Variants in PPP6R3 observed in about 807,000 individuals in gnomAD.
The protein encoded by PPP6R3 is protein phosphatase 6 regulatory subunit 3.
A neutral mutation model predicts 110.7 loss-of-function variants in PPP6R3; 38 were observed. The ratio of observed to expected loss-of-function variants is 0.34; its 90% CI spans 0.26 to 0.45. PPP6R3 has a LOEUF of 0.45. PPP6R3 is among the 20% of genes least tolerant of loss of function. The probability of loss-of-function intolerance (pLI) is 1.00; values close to 1 mark genes in which losing one functional copy is unlikely to be tolerated. For synonymous variants in PPP6R3, 369 were observed against 373.5 expected, an observed-to-expected ratio of 0.99 and a Z score of 0.14; for missense variants, 870 against 1,062.4, an observed-to-expected ratio of 0.82 and a Z score of 2.52.
At chr11:68,611,691 C>T (rs1248338111) in intron 23 of PPP6R3, among the ~76,000 whole-genome samples, 2 of 152,070 alleles carry the variant, frequency 1.3e-5, no homozygotes, top group African/African-American at 4.8e-5. Flanking sequence ...CAAGAAGCCA[C>T]GAAGAAGGGA....
rs1565483175 is a variant in PPP6R3, at chr11:68,506,801, A to G, written c.-157-12700A>G. Among the ~76,000 whole-genome samples the G allele has an allele frequency of 2.0e-5, 3 of 152,192 alleles. No individual in the cohort carries two copies. In the South Asian group the frequency reaches 6.2e-4, roughly 32 times the overall value. ...AACCATTTGATTGCCAAGATTCCAT[A>G]TAAGAAGTTTTGGTCTTTTTTACCT... is the stretch of plus-strand genomic sequence containing the variant. On this transcript the variant is annotated intron_variant, in intron 1 of 23. Transcript: ENST00000393800.
Position 68,571,023 on chromosome 11 carries a change from C to CTT in PPP6R3, c.1279-5_1279-4dup, listed in dbSNP as rs377099693. 500 of 1,229,814 alleles carry CTT rather than the reference C, an allele frequency of 4.1e-4. No individual in the cohort carries two copies. The highest frequency in any genetic ancestry group is 4.0e-3 in the African/African-American group (255 of 63,204). 76.2% of individuals were successfully genotyped at this position (1,229,814 alleles called of 1,614,324 possible). A position where few individuals can be genotyped will look rare whatever the true frequency, so the allele number is the denominator to read the frequency against. ...GCTTTGAAGTATTAACTGGAATATT[C>CTT]TTTTTTTTTTTTTCAGCTTTTCCAA... is the stretch of plus-strand genomic sequence containing the variant. On this transcript the variant is annotated splice_polypyrimidine_tract_variant and intron_variant, in intron 11 of 23. Transcript: ENST00000393800.
At chr11:68,603,588 G>A (rs1038786156) in intron 22 of PPP6R3, 96 bp downstream of exon 22, 9 of 1,416,896 alleles carry the variant, frequency 6.4e-6, no homozygotes, top group Non-Finnish European at 8.8e-6. Context: ...TGATTCAAAT[G>A]AATGTTCAGA....
chr11:68,511,780 CGTGTGT>C (rs143019841), intron 1 of PPP6R3, among the ~76,000 whole-genome samples: 3 of 126,506 alleles, frequency 2.4e-5, no homozygotes, highest in Non-Finnish European at 3.5e-5. Context: ...TGCGCCCAGC[CGTGTGT>C]GTGTGTGTGT....
At chr11:68,585,168 G>A (rs1385328958) in intron 15 of PPP6R3, among the ~76,000 whole-genome samples, 3 of 152,146 alleles carry the variant, frequency 2.0e-5, no homozygotes, top group African/African-American at 7.2e-5. Flanking sequence ...TCTCCCTTTA[G>A]CCTTGTCTGG....
At chr11:68,601,309 C>T (rs146415351) in intron 20 of PPP6R3, among the ~76,000 whole-genome samples, 545 of 152,248 alleles carry the variant, frequency 3.6e-3, no homozygotes, top group Non-Finnish European at 6.3e-3. Context: ...GTGTGCACGT[C>T]TCTGAGTTTG....
At chr11:68,540,948 A>G (rs553839887) in intron 3 of PPP6R3, among the ~76,000 whole-genome samples, 1 of 152,286 alleles carries the variant, frequency 6.6e-6, no homozygotes, top group South Asian at 2.1e-4. Context: ...CAATTTGTGC[A>G]GTTAAGGCAA....
chr11:68,478,929 T>C (rs2098870875), intron 1 of PPP6R3, among the ~76,000 whole-genome samples: 1 of 152,150 alleles, frequency 6.6e-6, no homozygotes, highest in African/African-American at 2.4e-5. Flanking sequence ...GTGCTGGGAT[T>C]ACAGGCATGA....
At chr11:68,521,824 C>A (rs1191500590) in intron 2 of PPP6R3, among the ~76,000 whole-genome samples, 1 of 152,170 alleles carries the variant, frequency 6.6e-6, no homozygotes, top group East Asian at 1.9e-4. Flanking sequence ...TAATACAGCT[C>A]TCTCTTACTA....
At chr11:68,578,432 C>T (rs969731722) in intron 14 of PPP6R3, among the ~76,000 whole-genome samples, 2 of 152,122 alleles carry the variant, frequency 1.3e-5, no homozygotes, top group Non-Finnish European at 2.9e-5. Flanking sequence ...TGCCCTGTTC[C>T]CTTTCCCAAA....
chr11:68,601,124 A>G (rs1250874968), intron 20 of PPP6R3, among the ~76,000 whole-genome samples: 1 of 152,226 alleles, frequency 6.6e-6, no homozygotes, highest in African/African-American at 2.4e-5. Context: ...TCAGAGGTAC[A>G]AGTGAGATTT....
At chr11:68,540,797 GAA>G (rs1312237321) in intron 3 of PPP6R3, among the ~76,000 whole-genome samples, 1 of 152,226 alleles carries the variant, frequency 6.6e-6, no homozygotes, top group East Asian at 1.9e-4. Context: ...GCTTTTGAAA[GAA>G]GAGAAATATG....
chr11:68,504,985 T>C (rs1592178263), intron 1 of PPP6R3, among the ~76,000 whole-genome samples: 1 of 152,230 alleles, frequency 6.6e-6, no homozygotes, highest in Non-Finnish European at 1.5e-5. Context: ...CTTCATTTCT[T>C]AAGAGTTTAA....
chr11:68,502,316 A>G (rs923395218), intron 1 of PPP6R3, among the ~76,000 whole-genome samples: 3 of 152,204 alleles, frequency 2.0e-5, no homozygotes, highest in Admixed American at 6.5e-5. Context: ...TTTGAAATCC[A>G]TTGCATATTT....
intron 21 of PPP6R3, 142 bp downstream of exon 21, chr11:68,602,111 T>C (rs2099633741): frequency 3.3e-6 from 2 of 607,878 alleles, no homozygotes; most frequent in Non-Finnish European, 5.6e-6. Context: ...ATGAAAGAAA[T>C]TGTGCCTGTC....
At chr11:68,557,680 G>A (rs931436311) in intron 7 of PPP6R3, among the ~76,000 whole-genome samples, 14 of 152,152 alleles carry the variant, frequency 9.2e-5, no homozygotes, top group Admixed American at 3.3e-4. Flanking sequence ...CACGAGGCCC[G>A]GCTAATTTTT....
At chr11:68,594,388 G>T (rs2099606904) in intron 18 of PPP6R3, among the ~76,000 whole-genome samples, 1 of 151,760 alleles carries the variant, frequency 6.6e-6, no homozygotes, top group Non-Finnish European at 1.5e-5. Flanking sequence ...TGGGCATGGT[G>T]GCTCATGCCT....
intron 1 of PPP6R3, among the ~76,000 whole-genome samples, chr11:68,474,848 G>C (rs1266507124): frequency 6.6e-6 from 1 of 152,000 alleles, no homozygotes; most frequent in African/African-American, 2.4e-5. Flanking sequence ...ATAAAATTCT[G>C]ACTTACTATC....
chr11:68,468,782 C>T (rs1247089008), intron 1 of PPP6R3, among the ~76,000 whole-genome samples: 1 of 152,118 alleles, frequency 6.6e-6, no homozygotes, highest in Non-Finnish European at 1.5e-5. Flanking sequence ...AACATTAGAA[C>T]ATATATAACA....
Sources: allele counts gnomAD v4.1 joint callset (sites outside exome capture counted in the v4.1 genomes callset), GRCh38; gene constraint gnomAD v4.1.1; transcripts MANE v1.5; gene names NCBI Gene and HGNC (gene_info 2026-07-23, HGNC 2026-07-21).